Variants in TRPC7 observed in about 807,000 individuals in gnomAD.
The protein encoded by TRPC7 is transient receptor potential cation channel subfamily C member 7.
TRPC7 carries 42 observed loss-of-function variants against 90.1 expected under a neutral mutation model. That is an observed-to-expected ratio of 0.47 (90% CI 0.36 to 0.60). The LOEUF (loss-of-function observed/expected upper bound fraction) is 0.60, where lower values mean the gene tolerates loss of function less well. Among genes scored for constraint, TRPC7 ranks in the 20% least tolerant of loss-of-function variants. The pLI, the probability that TRPC7 is intolerant of heterozygous loss-of-function variation, is 0.00. For synonymous variants in TRPC7, 451 were observed against 436.3 expected (o/e 1.03, Z -0.42); for missense variants, 955 against 1,112.3 (o/e 0.86, Z 2.01).
intron 2 of TRPC7, among the ~76,000 whole-genome samples, chr5:136,349,358 A>C (rs1373624089): frequency 3.3e-5 from 5 of 152,214 alleles, no homozygotes; most frequent in Admixed American, 6.5e-5. Flanking sequence ...AGAAATCAGC[A>C]AGACCCTCTG....
chr5:136,284,725 A>G (rs2149820597), intron 3 of TRPC7, among the ~76,000 whole-genome samples: 1 of 152,304 alleles, frequency 6.6e-6, no homozygotes, highest in South Asian at 2.1e-4. Context: ...AGGGATGTGG[A>G]GGGACAGTGA....
At chr5:136,232,837 A>C (rs986578475) in intron 7 of TRPC7, among the ~76,000 whole-genome samples, 11 of 152,020 alleles carry the variant, frequency 7.2e-5, no homozygotes, top group Non-Finnish European at 1.5e-4. Flanking sequence ...TTTCATCCAG[A>C]TTTTTGGTAC....
chr5:136,276,959 G>A lies in TRPC7; in HGVS notation c.964-2122C>T, dbSNP rs75198359. Reference sequence around the variant, plus strand: ...AAATGGCCCTGCTTTGCAGAAACTCGTAGTCTGATTAGAAGACGCGACACA... The same window carrying A: ...AAATGGCCCTGCTTTGCAGAAACTCATAGTCTGATTAGAAGACGCGACACA... On this transcript the variant is annotated intron_variant, in intron 3 of 11. Transcript: ENST00000513104. Among the ~76,000 whole-genome samples the A allele has an allele frequency of 6.3e-3, 958 of 152,346 alleles. 6 individuals carry two copies. Among genetic ancestry groups the A allele is most frequent in the African/African-American group, 0.018 (746 of 41,574 alleles).
At chr5:136,258,656 A>T (rs1756761160) in intron 5 of TRPC7, among the ~76,000 whole-genome samples, 1 of 152,222 alleles carries the variant, frequency 6.6e-6, no homozygotes, top group Non-Finnish European at 1.5e-5. Context: ...GGTTCTGAGT[A>T]ATGTCCTGCA....
chr5:136,301,908 TGAGA>T lies in TRPC7; in HGVS notation c.963+13685_963+13688del, dbSNP rs1312308977. ...CCCCGTCTTCCTGCTCTTTGCTCCA[TGAGA>T]AAGATCCACCTACGACCTCAGGTCC... On this transcript the variant is annotated intron_variant, in intron 3 of 11. Transcript: ENST00000513104. Among the ~76,000 whole-genome samples the T allele has an allele frequency of 2.0e-5, 3 of 152,196 alleles. No homozygotes were observed. In the East Asian group the frequency reaches 5.8e-4, roughly 29 times the overall value.
intron 5 of TRPC7, among the ~76,000 whole-genome samples, 157 bp downstream of exon 5, chr5:136,266,063 G>T (rs895946232): frequency 6.6e-6 from 1 of 152,140 alleles, no homozygotes; most frequent in Non-Finnish European, 1.5e-5. Context: ...GTATCTTAAA[G>T]ACAGAAGTTG....
At chr5:136,238,485 G>A (rs1470440040) in intron 7 of TRPC7, among the ~76,000 whole-genome samples, 2 of 152,206 alleles carry the variant, frequency 1.3e-5, no homozygotes, top group Admixed American at 1.3e-4. Flanking sequence ...CCTCAGACCT[G>A]CCCCTGCTGG....
At chr5:136,310,073 CT>C (rs1475737474) in intron 3 of TRPC7, among the ~76,000 whole-genome samples, 2 of 152,160 alleles carry the variant, frequency 1.3e-5, no homozygotes, top group Non-Finnish European at 2.9e-5. Context: ...TGCCTGCATC[CT>C]TACAGACTCA....
intron 7 of TRPC7, among the ~76,000 whole-genome samples, chr5:136,240,971 C>T (rs985699503): frequency 2.6e-5 from 4 of 152,076 alleles, no homozygotes; most frequent in Non-Finnish European, 5.9e-5. Context: ...TGAAGCTCAG[C>T]CTTGAAGCTG....
intron 2 of TRPC7, among the ~76,000 whole-genome samples, chr5:136,346,273 T>C (rs1452760886): frequency 3.3e-5 from 5 of 152,182 alleles, no homozygotes; most frequent in African/African-American, 1.2e-4. Flanking sequence ...GAACTATTCT[T>C]AGATGGTGGA....
intron 7 of TRPC7, among the ~76,000 whole-genome samples, chr5:136,243,453 C>T (rs1481830016): frequency 1.3e-5 from 2 of 152,110 alleles, no homozygotes; most frequent in Non-Finnish European, 2.9e-5. Context: ...AGACTCCTGC[C>T]TTACCCTACA....
chr5:136,361,620 G>T (rs1760571777), intron 1 of TRPC7, among the ~76,000 whole-genome samples: 2 of 152,158 alleles, frequency 1.3e-5, no homozygotes. Flanking sequence ...TTTTTTTAGA[G>T]ATATTTGTTG....
intron 2 of TRPC7, among the ~76,000 whole-genome samples, chr5:136,339,367 T>C (rs1251047688): frequency 8.5e-5 from 13 of 152,246 alleles, no homozygotes; most frequent in Non-Finnish European, 2.9e-5. Context: ...GGTAGGGGCC[T>C]AAATTCTGTT....
At chr5:136,306,098 T>G (rs1297677276) in intron 3 of TRPC7, among the ~76,000 whole-genome samples, 1 of 152,218 alleles carries the variant, frequency 6.6e-6, no homozygotes, top group Non-Finnish European at 1.5e-5. Context: ...TGCCCTGCTC[T>G]TGTTTACACT....
chr5:136,321,790 GACTGATGT>G (rs1759207465), intron 2 of TRPC7, among the ~76,000 whole-genome samples: 1 of 152,044 alleles, frequency 6.6e-6, no homozygotes, highest in Non-Finnish European at 1.5e-5. Context: ...CTTACAAATG[GACTGATGT>G]ACTATATAAG....
intron 2 of TRPC7, among the ~76,000 whole-genome samples, chr5:136,317,466 A>G (rs1036307214): frequency 6.6e-6 from 1 of 152,132 alleles, no homozygotes; most frequent in African/African-American, 2.4e-5. Context: ...ACTTGCTCAG[A>G]TCTTTTCCTG....
chr5:136,251,956 G>C (rs1292980592), intron 5 of TRPC7, 74 bp from the exon 6 acceptor site: 2 of 1,170,710 alleles, frequency 1.7e-6, no homozygotes, highest in African/African-American at 3.0e-5. Flanking sequence ...GTCATGGAGG[G>C]AACCAGAGTA....
chr5:136,298,708 C>G (rs2149829410), intron 3 of TRPC7, among the ~76,000 whole-genome samples: 1 of 152,278 alleles, frequency 6.6e-6, no homozygotes, highest in African/African-American at 2.4e-5. Context: ...CTCCTATTCC[C>G]AGGCTCCTCA....
At chr5:136,309,649 G>C (rs1466871776) in intron 3 of TRPC7, among the ~76,000 whole-genome samples, 1 of 152,210 alleles carries the variant, frequency 6.6e-6, no homozygotes, top group African/African-American at 2.4e-5. Context: ...ACAATTGCTG[G>C]AGTGCAATTT....
Sources: gnomAD v4.1 joint callset for allele counts (sites outside exome capture counted in the v4.1 genomes callset) on GRCh38, gnomAD v4.1.1 for gene constraint, MANE v1.5 for transcripts, NCBI Gene and HGNC (gene_info 2026-07-23, HGNC 2026-07-21) for gene names.